Variants in AIF1L observed in about 807,000 individuals in gnomAD.
AIF1L encodes allograft inflammatory factor 1-like.
In AIF1L, 12 loss-of-function variants were observed where a neutral mutation model predicts 20.7. The observed-to-expected ratio is 0.58, with a 90% confidence interval of 0.37 to 0.94. The LOEUF (loss-of-function observed/expected upper bound fraction) is 0.94. Among genes scored for constraint, AIF1L ranks in the 40% least tolerant of loss-of-function variants. The pLI is 0.01. For synonymous variants in AIF1L, 76 were observed against 65.1 expected (o/e 1.17, Z -0.81); for missense variants, 173 against 185.3 (o/e 0.93, Z 0.39).
At chr9:131,116,272 TTC>T (rs1831011264) in intron 4 of AIF1L, among the ~76,000 whole-genome samples, 1 of 152,206 alleles carries the variant, frequency 6.6e-6, no homozygotes, top group African/African-American at 2.4e-5. Context: ...TGATTTTTCT[TTC>T]TTTTTTTGAG....
At position 131,119,600 on chromosome 9, in the gene AIF1L, T is replaced by C. The variant is rs142040070; in HGVS notation, c.366-635T>C. ...TTAAAGTACGAATGTAAAATATACC[T>C]GTCTCATTTTACAAAGGAGCTTGTT... On this transcript the variant is annotated intron_variant, in intron 5 of 5. Transcript: ENST00000247291. Among the ~76,000 whole-genome samples, 1,006 of 152,280 alleles carry C rather than the reference T, an allele frequency of 6.6e-3. 41 individuals are homozygous for C. Among genetic ancestry groups the C allele is most frequent in the East Asian group, 3.1e-3 (16 of 5,194 alleles).
In AIF1L at chr9:131,101,565, G is replaced by A. The variant is rs552117288; in HGVS notation, c.93+4702G>A. Among the ~76,000 whole-genome samples, 68 of 151,520 alleles carry A rather than the reference G, an allele frequency of 4.5e-4. 1 individual carries two copies. Among genetic ancestry groups the A allele is most frequent in the South Asian group, 1.7e-3 (8 of 4,770 alleles). On this transcript the variant is annotated intron_variant, in intron 2 of 5. Coordinates refer to ENST00000247291, the MANE Select transcript of AIF1L (RefSeq NM_031426.4). ...TCACCATGTTGCCCAGGCTGGTCTC[G>A]AACTCCTAAGCTTAAGCAATCTGCC...
intron 2 of AIF1L, 52 bp downstream of exon 2, chr9:131,096,915 G>T: frequency 1.3e-6 from 2 of 1,483,498 alleles, no homozygotes; most frequent in Non-Finnish European, 1.8e-6. Context: ...GCGCTGCGCG[G>T]GTGCCACCTC....
In AIF1L at chr9:131,103,142, G is replaced by A. The variant is rs538825955; in HGVS notation, c.93+6279G>A. 1.6e-4 allele frequency among the ~76,000 whole-genome samples: 24 copies of A among 152,362 alleles called. No homozygotes were observed. The South Asian group carries it at 4.3e-3, about 28-fold the overall frequency. On this transcript the variant is annotated intron_variant, in intron 2 of 5. Transcript: ENST00000247291. ...GGGGCCTCGCTGGAGGCTGGGATGG[G>A]CTTGGGGGACTCTGGCGAGCATCAG... is the stretch of plus-strand genomic sequence containing the variant.
At chr9:131,103,567 C>A (rs1266205655) in intron 2 of AIF1L, among the ~76,000 whole-genome samples, 1 of 152,192 alleles carries the variant, frequency 6.6e-6, no homozygotes, top group African/African-American at 2.4e-5. Context: ...TAGCTTGAGT[C>A]TGTGAGGTTG....
At chr9:131,099,237 T>C (rs1363867428) in intron 2 of AIF1L, among the ~76,000 whole-genome samples, 1 of 152,194 alleles carries the variant, frequency 6.6e-6, no homozygotes, top group African/African-American at 2.4e-5. Context: ...TGGCTCATGC[T>C]GGTTGCTCAG....
At chr9:131,106,084 G>A (rs1830740612) in intron 2 of AIF1L, 1 of 1,311,682 alleles carries the variant, frequency 7.6e-7, no homozygotes, top group African/African-American at 1.5e-5. Flanking sequence ...CTCCTCAACA[G>A]ATGTTTATTG....
intron 2 of AIF1L, among the ~76,000 whole-genome samples, chr9:131,106,613 T>C (rs1321502419): frequency 6.6e-6 from 1 of 151,842 alleles, no homozygotes; most frequent in Non-Finnish European, 1.5e-5. Flanking sequence ...GGAGACCCCA[T>C]CTCTACAAAA....
intron 3 of AIF1L, among the ~76,000 whole-genome samples, chr9:131,113,606 CCT>C (rs1313163997): frequency 1.3e-5 from 2 of 151,668 alleles, no homozygotes; most frequent in Admixed American, 6.6e-5. Context: ...GTGTATCCCC[CCT>C]GAGATCACGC....
intron 2 of AIF1L, among the ~76,000 whole-genome samples, chr9:131,108,452 G>T (rs551414896): frequency 1.3e-5 from 2 of 152,032 alleles, no homozygotes; most frequent in African/African-American, 4.8e-5. Flanking sequence ...TGCTCACCTC[G>T]GCCTCCCAAA....
Position 131,120,900 on chromosome 9 carries a change from G to T in AIF1L, c.*578G>T. ...TCTTCTCATCCTCAGTGATGTGAAGGTGGGAAGGAAAGGAGCTTGGCATTG... is the reference window on the plus strand; with the variant it reads ...TCTTCTCATCCTCAGTGATGTGAAGTTGGGAAGGAAAGGAGCTTGGCATTG... On this transcript the variant is annotated 3_prime_UTR_variant, in exon 6 of 6. Coordinates refer to ENST00000247291, the MANE Select transcript of AIF1L (RefSeq NM_031426.4). The T allele has an allele frequency of 2.0e-6, 1 of 496,786 alleles. No individual in the cohort carries two copies. The highest frequency in any genetic ancestry group is 3.6e-6 in the Non-Finnish European group (1 of 276,498). The allele number at this position is 496,786 out of a possible 1,614,324, so 30.8% of individuals were successfully genotyped here. A position where few individuals can be genotyped will look rare whatever the true frequency, so the allele number is the denominator to read the frequency against.
intron 2 of AIF1L, among the ~76,000 whole-genome samples, chr9:131,109,108 T>A (rs1830817029): frequency 6.6e-6 from 1 of 152,204 alleles, no homozygotes; most frequent in South Asian, 2.1e-4. Context: ...GATAAGGACC[T>A]TGTCATATTC....
At chr9:131,102,675 G>A (rs555755212) in intron 2 of AIF1L, among the ~76,000 whole-genome samples, 9 of 152,352 alleles carry the variant, frequency 5.9e-5, no homozygotes, top group Admixed American at 5.2e-4. Flanking sequence ...ATCTGAATGA[G>A]GCCCAGGGCT....
At position 131,111,589 on chromosome 9, in the gene AIF1L, CTCTGTAGGAGTT is replaced by C; in HGVS notation, c.94-2_103del. ...CCCTTGCTCAGCACTGTCCTCTCAC[CTCTGTAGGAGTT>C]TCTGTGTGACCAGAAGTACAGTGAT... is the stretch of plus-strand genomic sequence containing the variant. On this transcript the variant is annotated splice_acceptor_variant and splice_polypyrimidine_tract_variant and coding_sequence_variant and intron_variant, in exon 3 of 6. Coordinates refer to ENST00000247291, the MANE Select transcript of AIF1L (RefSeq NM_031426.4). LOFTEE classifies it high-confidence loss of function. 6.2e-7 allele frequency: 1 copy of C among 1,613,428 alleles called. No individual in the cohort carries two copies. The highest frequency in any genetic ancestry group is 2.2e-5 in the East Asian group (1 of 44,882).
Position 131,096,567 on chromosome 9 carries a change from G to C in AIF1L, c.-63G>C. The C allele has an allele frequency of 2.0e-6, 3 of 1,479,058 alleles. No homozygotes were observed. In the African/African-American group the frequency reaches 4.4e-5, roughly 22 times the overall value. The allele number at this position is 1,479,058 out of a possible 1,614,324, so 91.6% of individuals were successfully genotyped here. On this transcript the variant is annotated 5_prime_UTR_variant, in exon 1 of 6. Transcript: ENST00000247291. ...GCCGGAGCCCGGACCAGGCGCCTGTGCCTCCTCCTCGTCCCTCGCCGCGTC... is the reference window on the plus strand; with the variant it reads ...GCCGGAGCCCGGACCAGGCGCCTGTCCCTCCTCCTCGTCCCTCGCCGCGTC...
At chr9:131,106,067 C>T in intron 2 of AIF1L, 1 of 1,128,194 alleles carries the variant, frequency 8.9e-7, no homozygotes, top group Non-Finnish European at 1.2e-6. Flanking sequence ...GATCCTCCCT[C>T]CTCGGGCTCC....
chr9:131,116,840 G>A (rs1831023868), intron 4 of AIF1L, among the ~76,000 whole-genome samples: 1 of 152,218 alleles, frequency 6.6e-6, no homozygotes, highest in Non-Finnish European at 1.5e-5. Context: ...CAGTGCGTGT[G>A]CAGCCCTTTC....
intron 3 of AIF1L, chr9:131,112,235 G>A (rs1360072005): frequency 6.5e-6 from 1 of 155,014 alleles, no homozygotes; most frequent in African/African-American, 2.4e-5. Context: ...CCAGCACCTC[G>A]AAAGGAGAGG....
chr9:131,101,437 C>G (rs1233279073), intron 2 of AIF1L, among the ~76,000 whole-genome samples: 2 of 150,438 alleles, frequency 1.3e-5, no homozygotes, highest in Admixed American at 1.3e-4. Context: ...GTCTTGACCT[C>G]CTGGGCTTAG....
Sources: allele counts gnomAD v4.1 joint callset (sites outside exome capture counted in the v4.1 genomes callset), GRCh38; gene constraint gnomAD v4.1.1; transcripts MANE v1.5; gene names NCBI Gene and HGNC (gene_info 2026-07-23, HGNC 2026-07-21).